Variants in DUSP2 observed in about 807,000 individuals in gnomAD.
The protein encoded by DUSP2 is dual specificity protein phosphatase 2.
DUSP2 carries 20 observed loss-of-function variants against 23.3 expected under a neutral mutation model. That is an observed-to-expected ratio of 0.86 (90% CI 0.60 to 1.25). DUSP2 has a LOEUF of 1.25. Among genes scored for constraint, DUSP2 ranks in the 50% most tolerant of loss-of-function variants. The probability of loss-of-function intolerance (pLI) is 0.00; values close to 1 mark genes in which losing one functional copy is unlikely to be tolerated. For synonymous variants in DUSP2, 231 were observed against 209.7 expected (o/e 1.10, Z -0.88); for missense variants, 435 against 452.6 (o/e 0.96, Z 0.35).
At position 96,145,396 on chromosome 2, in the gene DUSP2, G is replaced by A; in HGVS notation, c.-42C>T. ...TCCTCTTCCTTTCGGTCTTTCCCGC[G>A]TCCCGGGCTCTCGTGGCGGTGGCGC... On this transcript the variant is annotated 5_prime_UTR_variant, in exon 1 of 4. The change creates a new upstream start codon in the 5' untranslated region. Coordinates refer to ENST00000288943, the MANE Select transcript of DUSP2 (RefSeq NM_004418.4). 2.2e-6 allele frequency: 3 copies of A among 1,340,204 alleles called. No individual in the cohort carries two copies. The highest frequency in any genetic ancestry group is 1.9e-5 in the South Asian group (1 of 51,476). 83.0% of individuals were successfully genotyped at this position (1,340,204 alleles called of 1,614,324 possible). A position where few individuals can be genotyped will look rare whatever the true frequency, so the allele number is the denominator to read the frequency against.
intron 1 of DUSP2, 37 bp from the exon 2 acceptor site, chr2:96,144,919 C>A: frequency 1.3e-6 from 2 of 1,548,156 alleles, no homozygotes; most frequent in South Asian, 1.2e-5. Flanking sequence ...GCAGGGAAAG[C>A]CGGGCTGGAG....
chr2:96,145,263 T>G lies in DUSP2; in HGVS notation c.92A>C (p.Asp31Ala). Residue 31 changes from aspartate to alanine, a missense_variant, in exon 1 of 4, where the codon GAC becomes GCC. Coordinates refer to ENST00000288943, the MANE Select transcript of DUSP2 (RefSeq NM_004418.4). ...GCAGAAGGCCAGGAAGGGGCGGCAG[T>G]CCAGCAGCAGCGTGCGTTCCGCCTC... ...PREAERTLLL[D>A]CRPFLAFCRR... 2 of 1,308,768 alleles carry G rather than the reference T, an allele frequency of 1.5e-6. No individual in the cohort carries two copies. The highest frequency in any genetic ancestry group is 1.9e-6 in the Non-Finnish European group (2 of 1,034,522). 81.1% of individuals were successfully genotyped at this position (1,308,768 alleles called of 1,614,324 possible). A position where few individuals can be genotyped will look rare whatever the true frequency, so the allele number is the denominator to read the frequency against.
At chr2:96,144,938 G>C in intron 1 of DUSP2, 29 bp downstream of exon 1, 1 of 1,548,550 alleles carries the variant, frequency 6.5e-7, no homozygotes, top group African/African-American at 1.4e-5. Flanking sequence ...AGTCGGGTGG[G>C]GCGGGCCAAG....
chr2:96,144,400 C>G lies in DUSP2; in HGVS notation c.511-27G>C, dbSNP rs200368289. 1,868 of 1,600,974 alleles carry G rather than the reference C, an allele frequency of 1.2e-3. 1 individual carries two copies. Among genetic ancestry groups the G allele is most frequent in the Middle Eastern group, 6.5e-3 (39 of 5,968 alleles). On this transcript the variant is annotated intron_variant, in intron 2 of 3. Transcript: ENST00000288943. Reference sequence around the variant, plus strand: ...TGGAGGGAACAGAGGGGCGGTGAGGCCTTTCCAGCCCAGCCCCGGAGAGCT... The same window carrying G: ...TGGAGGGAACAGAGGGGCGGTGAGGGCTTTCCAGCCCAGCCCCGGAGAGCT...
At position 96,143,793 on chromosome 2, in the gene DUSP2, A is replaced by G. The variant is rs761159833; in HGVS notation, c.*30T>C. The G allele has an allele frequency of 1.2e-6, 2 of 1,607,924 alleles. No homozygotes were observed. Among genetic ancestry groups the G allele is most frequent in the Non-Finnish European group, 1.7e-6 (2 of 1,177,082 alleles). Reference sequence around the variant, plus strand: ...GTCCACAGTCAGCTCCTGCCAGCACAGTGGGGCAGGCAGGCAGAGGGGCAC... The same window carrying G: ...GTCCACAGTCAGCTCCTGCCAGCACGGTGGGGCAGGCAGGCAGAGGGGCAC... On this transcript the variant is annotated 3_prime_UTR_variant, in exon 4 of 4. Coordinates refer to ENST00000288943, the MANE Select transcript of DUSP2 (RefSeq NM_004418.4).
chr2:96,145,349 C>G lies in DUSP2; in HGVS notation c.6G>C (p.Gly2=), dbSNP rs557719539. The change falls in exon 1 of 4, where the codon GGG becomes GGC. Residue 2 remains glycine (G), a synonymous_variant. Coordinates refer to ENST00000288943, the MANE Select transcript of DUSP2 (RefSeq NM_004418.4). ...ACTCCAGCTCGCGCGCCGCCTCCAG[C>G]CCCATGGCCACCGGTGCCTCTTCCT... M[G]LEAARELECA... 3 of 1,410,376 alleles carry G rather than the reference C, an allele frequency of 2.1e-6. No homozygotes were observed. The highest frequency in any genetic ancestry group is 1.6e-5 in the South Asian group (1 of 63,854). 87.4% of individuals were successfully genotyped at this position (1,410,376 alleles called of 1,614,324 possible).
In DUSP2 at chr2:96,145,102, G is replaced by A. The variant is rs551318349; in HGVS notation, c.253C>T (p.Leu85=). 8 of 1,430,354 alleles carry A rather than the reference G, an allele frequency of 5.6e-6. No homozygotes were observed. The highest frequency in any genetic ancestry group is 3.0e-5 in the African/African-American group (2 of 66,566). The allele number at this position is 1,430,354 out of a possible 1,614,324, so 88.6% of individuals were successfully genotyped here. ...ALRTRLVRGE[L]ARAVVLDEGS... ...TCGTCCAGCACCACGGCCCGCGCCAGCTCCCCGCGGACCAGGCGCGTCCGC... is the reference window on the plus strand; with the variant it reads ...TCGTCCAGCACCACGGCCCGCGCCAACTCCCCGCGGACCAGGCGCGTCCGC... Residue 85 remains leucine (L), a synonymous_variant, in exon 1 of 4, where the codon CTG becomes TTG. Coordinates refer to ENST00000288943, the MANE Select transcript of DUSP2 (RefSeq NM_004418.4).
intron 2 of DUSP2, 64 bp from the exon 3 acceptor site, chr2:96,144,437 G>A: frequency 1.3e-6 from 2 of 1,539,104 alleles, no homozygotes; most frequent in East Asian, 2.3e-5. Flanking sequence ...GAGCAGCAGC[G>A]GGTGGAGACC....
In DUSP2 at chr2:96,143,894, C is replaced by G. The variant is rs1309111955; in HGVS notation, c.874G>C (p.Gly292Arg). 1 of 1,613,768 alleles carries G rather than the reference C, an allele frequency of 6.2e-7. No individual in the cohort carries two copies. The highest frequency in any genetic ancestry group is 1.7e-5 in the Admixed American group (1 of 60,016). Residue 292 changes from glycine (G) to arginine (R), a missense_variant, in exon 4 of 4, where the codon GGG (glycine) becomes CGG (arginine). Gly to Arg is a moderately radical substitution (Grantham distance 125, BLOSUM62 -2). Coordinates refer to ENST00000288943, the MANE Select transcript of DUSP2 (RefSeq NM_004418.4). Reference protein sequence around the residue: ...EAFDFVKQRRGVISPNFSFMG... With the variant: ...EAFDFVKQRRRVISPNFSFMG... Reference sequence around the variant, plus strand: ...AAACTGAAGTTGGGGGAGATGACCCCCCGGCGCTGCTTAACGAAGTCAAAG... The same window carrying G: ...AAACTGAAGTTGGGGGAGATGACCCGCCGGCGCTGCTTAACGAAGTCAAAG...
chr2:96,144,893 G>T lies in DUSP2; in HGVS notation c.389-11C>A. On this transcript the variant is annotated splice_polypyrimidine_tract_variant and intron_variant, in intron 1 of 3. Coordinates refer to ENST00000288943, the MANE Select transcript of DUSP2 (RefSeq NM_004418.4). ...AGCCGTCGAAGCCTCCTGCAAGGAG[G>T]GGAAGAGCACGATCAGCAGGGAAAG... 1 of 1,549,246 alleles carries T rather than the reference G, an allele frequency of 6.5e-7. No homozygotes were observed. The highest frequency in any genetic ancestry group is 1.4e-5 in the African/African-American group (1 of 73,386).
At chr2:96,144,486 C>A (rs1682466128) in intron 2 of DUSP2, 113 bp from the exon 3 acceptor site, 12 of 1,031,810 alleles carry the variant, frequency 1.2e-5, no homozygotes, top group Non-Finnish European at 1.7e-5. Context: ...CTCAGCCAGT[C>A]CTCCTGACCT....
At position 96,145,386 on chromosome 2, in the gene DUSP2, T is replaced by C; in HGVS notation, c.-32A>G. The stretch of plus-strand genomic sequence containing the variant: ...CGGTGCCTCTTCCTCTTCCTTTCGG[T>C]CTTTCCCGCGTCCCGGGCTCTCGTG... On this transcript the variant is annotated 5_prime_UTR_variant, in exon 1 of 4. Transcript: ENST00000288943. The C allele has an allele frequency of 7.4e-7, 1 of 1,360,420 alleles. No individual in the cohort carries two copies. 84.3% of individuals were successfully genotyped at this position (1,360,420 alleles called of 1,614,324 possible). A position where few individuals can be genotyped will look rare whatever the true frequency, so the allele number is the denominator to read the frequency against.
rs141345431 is a variant in DUSP2 at position 96,143,938 on chromosome 2, C to G, written c.830G>C (p.Arg277Pro). The change falls in exon 4 of 4, where the codon CGT (arginine) becomes CCT (proline). Residue 277 changes from arginine (R) to proline (P), a missense_variant. Physicochemically the swap from Arg to Pro is moderately radical, Grantham distance 103. Coordinates refer to ENST00000288943, the MANE Select transcript of DUSP2 (RefSeq NM_004418.4). ...GTCAAAGGCCTCGTCCAGCCGCACA[C>G]GGCGACTCTGCATGAGGTATGCCAG... The part of the protein sequence containing the change: ...ICLAYLMQSR[R>P]VRLDEAFDFV... The G allele has an allele frequency of 3.1e-6, 5 of 1,613,704 alleles. No homozygotes were observed. The highest frequency in any genetic ancestry group is 4.2e-6 in the Non-Finnish European group (5 of 1,180,032).
chr2:96,144,123 T>C (rs1218008087), intron 3 of DUSP2, 31 bp downstream of exon 3: 1 of 1,613,154 alleles, frequency 6.2e-7, no homozygotes, highest in African/African-American at 1.3e-5. Flanking sequence ...CTGGAGCCCC[T>C]CGGGATTTCT....
rs1558721257 is a variant in DUSP2, at chr2:96,144,183, G to A, written c.701C>T (p.Ala234Val). The part of the protein sequence containing the change: ...VEDNQMVEIS[A>V]WFQEAIGFID... The stretch of plus-strand genomic sequence containing the variant: ...GAAGCCTATGGCCTCCTGGAACCAG[G>A]CACTGATCTCCACCATCTGGTTGTC... The change falls in exon 3 of 4, where the codon GCC (alanine) becomes GTC (valine). Residue 234 changes from alanine to valine, a missense_variant. Physicochemically the swap from Ala to Val is moderately conservative, Grantham distance 64. Coordinates refer to ENST00000288943, the MANE Select transcript of DUSP2 (RefSeq NM_004418.4). 4 of 1,614,112 alleles carry A rather than the reference G, an allele frequency of 2.5e-6. No individual in the cohort carries two copies. The highest frequency in any genetic ancestry group is 1.1e-5 in the South Asian group (1 of 91,092).
At position 96,144,852 on chromosome 2, in the gene DUSP2, G is replaced by A. The variant is rs1460319918; in HGVS notation, c.419C>T (p.Pro140Leu). The change falls in exon 2 of 4, where the codon CCC becomes CTC. Residue 140 changes from proline (P) to leucine (L), a missense_variant. Coordinates refer to ENST00000288943, the MANE Select transcript of DUSP2 (RefSeq NM_004418.4). ...GGFDGFQGCC[P>L]DLCSEAPAPA... ...GGCGGGGGCCTCAGAGCACAGATCG[G>A]GACAGCAGCCCTGGAAGCCGTCGAA... 6.4e-6 allele frequency: 10 copies of A among 1,555,920 alleles called. No homozygotes were observed. In the South Asian group the frequency reaches 9.5e-5, roughly 15 times the overall value.
chr2:96,143,487 A>C lies in DUSP2; in HGVS notation c.*336T>G. 1 of 245,930 alleles carries C rather than the reference A, an allele frequency of 4.1e-6. No individual in the cohort carries two copies. Among genetic ancestry groups the C allele is most frequent in the East Asian group, 9.7e-5 (1 of 10,358 alleles). The allele number at this position is 245,930 out of a possible 1,614,324, so 15.2% of individuals were successfully genotyped here. Reference sequence around the variant, plus strand: ...TCACAGCTTGTTCCTTGGAGCTCTCAGGCTGCCAAGGGCTTCAACATGGTG... The same window carrying C: ...TCACAGCTTGTTCCTTGGAGCTCTCCGGCTGCCAAGGGCTTCAACATGGTG... On this transcript the variant is annotated 3_prime_UTR_variant, in exon 4 of 4. Coordinates refer to ENST00000288943, the MANE Select transcript of DUSP2 (RefSeq NM_004418.4).
Position 96,143,572 on chromosome 2 carries a change from G to T in DUSP2, c.*251C>A. 1 of 545,456 alleles carries T rather than the reference G, an allele frequency of 1.8e-6. No homozygotes were observed. The highest frequency in any genetic ancestry group is 3.3e-6 in the Non-Finnish European group (1 of 303,624). 33.8% of individuals were successfully genotyped at this position (545,456 alleles called of 1,614,324 possible). ...CTGATTTCTGCCAGAGGATGGGGAG[G>T]GAAAGAGCAGACACACCCTTGGTTC... On this transcript the variant is annotated 3_prime_UTR_variant, in exon 4 of 4. Coordinates refer to ENST00000288943, the MANE Select transcript of DUSP2 (RefSeq NM_004418.4).
Position 96,145,300 on chromosome 2 carries a change from G to T in DUSP2, c.55C>A (p.Arg19=). 7.1e-7 allele frequency: 1 copy of T among 1,402,406 alleles called. No homozygotes were observed. The highest frequency in any genetic ancestry group is 9.2e-7 in the Non-Finnish European group (1 of 1,081,326). The allele number at this position is 1,402,406 out of a possible 1,614,324, so 86.9% of individuals were successfully genotyped here. Residue 19 remains arginine, a synonymous_variant, in exon 1 of 4, where the codon CGG becomes AGG. Transcript: ENST00000288943. Reference sequence around the variant, plus strand: ...GTGCGTTCCGCCTCCCGCGGATCCCGCAGCAGCGTGCCCAGCGCCGCGCAC... The same window carrying T: ...GTGCGTTCCGCCTCCCGCGGATCCCTCAGCAGCGTGCCCAGCGCCGCGCAC... ...LECAALGTLL[R]DPREAERTLL...
Sources: gnomAD v4.1 joint callset for allele counts on GRCh38, gnomAD v4.1.1 for gene constraint, MANE v1.5 for transcripts, NCBI Gene and HGNC (gene_info 2026-07-23, HGNC 2026-07-21) for gene names.